Variants in SBNO1 observed in about 807,000 individuals in gnomAD.
SBNO1 encodes the protein strawberry notch homolog 1.
A neutral mutation model predicts 173.6 loss-of-function variants in SBNO1; 23 were observed. That is an observed-to-expected ratio of 0.13 (90% CI 0.10 to 0.19). The LOEUF (loss-of-function observed/expected upper bound fraction) is 0.19, where lower values mean the gene tolerates loss of function less well. Among genes scored for constraint, SBNO1 ranks in the 10% least tolerant of loss-of-function variants. The pLI, the probability that SBNO1 is intolerant of heterozygous loss-of-function variation, is 1.00. For missense variants in SBNO1, 1,238 were observed against 1,671.2 expected, an observed-to-expected ratio of 0.74 and a Z score of 4.52; for synonymous variants, 632 against 571.5, an observed-to-expected ratio of 1.11 and a Z score of -1.51.
At chr12:123,345,839 T>G (rs1873065445) in intron 3 of SBNO1, among the ~76,000 whole-genome samples, 2 of 152,102 alleles carry the variant, frequency 1.3e-5, no homozygotes, top group South Asian at 4.1e-4. Context: ...CCGGCAAATT[T>G]TTTTTAGAGA....
intron 1 of SBNO1, among the ~76,000 whole-genome samples, chr12:123,358,495 T>C (rs998135774): frequency 6.6e-6 from 1 of 152,048 alleles, no homozygotes; most frequent in African/African-American, 2.4e-5. Flanking sequence ...GGCTCATGCC[T>C]ATAATCCCAG....
intron 16 of SBNO1, among the ~76,000 whole-genome samples, chr12:123,322,515 C>T (rs942902234): frequency 6.7e-6 from 1 of 148,518 alleles, no homozygotes; most frequent in Non-Finnish European, 1.5e-5. Context: ...CCAGGCTGGT[C>T]TCGAACTCCT....
At chr12:123,337,066 C>T (rs1340511547) in intron 5 of SBNO1, among the ~76,000 whole-genome samples, 1 of 152,144 alleles carries the variant, frequency 6.6e-6, no homozygotes, top group South Asian at 2.1e-4. Context: ...TTATGAAGAA[C>T]AGAAAAATTT....
At position 123,334,070 on chromosome 12, in the gene SBNO1, T is replaced by C. The variant is rs1165403432; in HGVS notation, c.892A>G (p.Ile298Val). 1.9e-6 allele frequency: 3 copies of C among 1,587,702 alleles called. No individual in the cohort carries two copies. Among genetic ancestry groups the C allele is most frequent in the South Asian group, 1.2e-5 (1 of 83,248 alleles). The part of the protein sequence containing the change: ...GWLSALQLEA[I>V]TYAAQQHETF... ...TTGCTTACCTGGGCTGCATATGTAA[T>C]TGCCTCAAGCTGCAATGCTGATAAC... The change falls in exon 7 of 32, where the codon ATT (isoleucine) becomes GTT (valine). Residue 298 changes from isoleucine to valine, a missense_variant. Around this residue, in one of 14 missense-constraint regions of SBNO1, gnomAD observed 78 missense variants for 103.3 expected, o/e 0.76. Coordinates refer to ENST00000602398, the MANE Select transcript of SBNO1 (RefSeq NM_001167856.3).
Position 123,352,866 on chromosome 12 carries a change from CG to C in SBNO1, c.1-2426del, listed in dbSNP as rs1219588375. Among the ~76,000 whole-genome samples the C allele has an allele frequency of 3.9e-5, 6 of 152,272 alleles. No homozygotes were observed. In the East Asian group the frequency reaches 1.2e-3, roughly 29 times the overall value. On this transcript the variant is annotated intron_variant, in intron 1 of 31. Coordinates refer to ENST00000602398, the MANE Select transcript of SBNO1 (RefSeq NM_001167856.3). ...AGGCTGGAGTGCAGTGGCGCGATCT[CG>C]GCTCACCGCAACCTCCGCCTTCCAG...
chr12:123,342,370 G>C (rs1013411228), intron 4 of SBNO1, among the ~76,000 whole-genome samples: 5 of 152,080 alleles, frequency 3.3e-5, no homozygotes, highest in African/African-American at 1.2e-4. Context: ...AGAATGGCAT[G>C]AAAACAGGAG....
rs546116646 is a variant in SBNO1 at position 123,340,166 on chromosome 12, T to C, written c.651+822A>G. On this transcript the variant is annotated intron_variant, in intron 5 of 31. Transcript: ENST00000602398. ...ATTTTGCTTACTGAAGGTAGAATCA[T>C]GTAATAAATATACTTCTTGTAGAAA... Among the ~76,000 whole-genome samples, 125 of 152,334 alleles carry C rather than the reference T, an allele frequency of 8.2e-4. 1 individual carries two copies. Among genetic ancestry groups the C allele is most frequent in the African/African-American group, 2.9e-3 (122 of 41,584 alleles).
Position 123,289,503 on chromosome 12 carries a change from T to C in SBNO1, c.*6405A>G, listed in dbSNP as rs1448142472. On this transcript the variant is annotated 3_prime_UTR_variant, in exon 32 of 32. Transcript: ENST00000602398. ...CACCAAGAGCTGACATCCACCTTTG[T>C]TTCAAGTTGTCTTTGGATCCCATCA... is the stretch of plus-strand genomic sequence containing the variant. 1.3e-5 allele frequency: 2 copies of C among 152,186 alleles called. No homozygotes were observed. The highest frequency in any genetic ancestry group is 4.8e-5 in the African/African-American group (2 of 41,442). The allele number at this position is 152,186 out of a possible 1,614,324, so 9.4% of individuals were successfully genotyped here.
At chr12:123,346,521 G>C (rs907389693) in intron 3 of SBNO1, among the ~76,000 whole-genome samples, 1 of 152,038 alleles carries the variant, frequency 6.6e-6, no homozygotes, top group Non-Finnish European at 1.5e-5. Flanking sequence ...AAAATTAGCC[G>C]GGCGTGGTGG....
chr12:123,321,463 G>A (rs1211212314), intron 17 of SBNO1, 72 bp downstream of exon 17: 11 of 1,096,644 alleles, frequency 1.0e-5, no homozygotes, highest in Non-Finnish European at 1.5e-5. Flanking sequence ...CAGAAGAAAA[G>A]GTTTCATATC....
At chr12:123,315,347 C>A (rs1258862961) in intron 23 of SBNO1, 26 bp downstream of exon 23, 1 of 1,563,060 alleles carries the variant, frequency 6.4e-7, no homozygotes, top group Non-Finnish European at 8.8e-7. Flanking sequence ...CACAAGTTTT[C>A]AGAGATACTG....
rs1024495813 is a variant in SBNO1, at chr12:123,290,351, T to A, written c.*5557A>T. 1 of 152,180 alleles carries A rather than the reference T, an allele frequency of 6.6e-6. No individual in the cohort carries two copies. The highest frequency in any genetic ancestry group is 1.5e-5 in the Non-Finnish European group (1 of 68,044). The allele number at this position is 152,180 out of a possible 1,614,324, so 9.4% of individuals were successfully genotyped here. A position where few individuals can be genotyped will look rare whatever the true frequency, so the allele number is the denominator to read the frequency against. On this transcript the variant is annotated 3_prime_UTR_variant, in exon 32 of 32. Transcript: ENST00000602398. Reference sequence around the variant, plus strand: ...GTTGAATAGTAATGAATGAAACTTGTACATGAATGAAAAGGCCCCAAAGAC... The same window carrying A: ...GTTGAATAGTAATGAATGAAACTTGAACATGAATGAAAAGGCCCCAAAGAC...
At chr12:123,315,488 A>G (rs972869186) in intron 22 of SBNO1, 44 bp from the exon 23 acceptor site, 13 of 1,590,628 alleles carry the variant, frequency 8.2e-6, no homozygotes, top group Non-Finnish European at 1.1e-5. Context: ...GTAACCTTTT[A>G]CCAGAAAACA....
At chr12:123,338,381 C>T (rs1593388064) in intron 5 of SBNO1, among the ~76,000 whole-genome samples, 3 of 151,958 alleles carry the variant, frequency 2.0e-5, no homozygotes, top group South Asian at 4.2e-4. Context: ...GGCAAAACCC[C>T]GTCTCTACTA....
At chr12:123,338,892 C>A (rs61953458) in intron 5 of SBNO1, among the ~76,000 whole-genome samples, 5 of 3,664 alleles carry the variant, frequency 1.4e-3, no homozygotes, top group East Asian at 4.9e-3. Context: ...ACACACACCC[C>A]GACACACACA....
At chr12:123,323,930 C>A in intron 15 of SBNO1, 99 bp from the exon 16 acceptor site, 1 of 886,688 alleles carries the variant, frequency 1.1e-6, no homozygotes, top group Non-Finnish European at 1.6e-6. Context: ...TTCAGTTTTA[C>A]AAAATACTGA....
intron 20 of SBNO1, among the ~76,000 whole-genome samples, chr12:123,318,967 G>GTTTTT (rs575457621): frequency 7.4e-6 from 1 of 135,722 alleles, no homozygotes; most frequent in Non-Finnish European, 1.6e-5. Flanking sequence ...CTAAGGGAAC[G>GTTTTT]TTTTTTTTTT....
At chr12:123,296,471 G>A (rs2048597019) in intron 31 of SBNO1, among the ~76,000 whole-genome samples, 1 of 144,542 alleles carries the variant, frequency 6.9e-6, no homozygotes, top group South Asian at 2.3e-4. Flanking sequence ...GATACTCTCT[G>A]GGTGCTGGTT....
intron 24 of SBNO1, among the ~76,000 whole-genome samples, chr12:123,311,927 A>AG (rs995583728): frequency 6.9e-6 from 1 of 144,290 alleles, no homozygotes; most frequent in South Asian, 2.2e-4. Context: ...TTTTTTAGAG[A>AG]GGGGGTTTCT....
Sources: allele counts gnomAD v4.1 joint callset (sites outside exome capture counted in the v4.1 genomes callset), GRCh38; gene constraint gnomAD v4.1.1; regional missense constraint gnomAD v4.1.1; transcripts MANE v1.5; gene names NCBI Gene and HGNC (gene_info 2026-07-23, HGNC 2026-07-21).